ALPK3: variants seen among roughly 807,000 people sequenced by gnomAD.
The protein encoded by ALPK3 is alpha-protein kinase 3.
ALPK3 carries 102 observed loss-of-function variants against 140.0 expected under a neutral mutation model. That is an observed-to-expected ratio of 0.73 (90% confidence interval 0.62 to 0.86). The LOEUF is 0.86. ALPK3 is among the 40% of genes least tolerant of loss of function. The pLI is 0.00. For missense variants in ALPK3, 2,254 were observed against 2,208.2 expected, an observed-to-expected ratio of 1.02 and a Z score of -0.42; for synonymous variants, 938 against 898.5, an observed-to-expected ratio of 1.04 and a Z score of -0.79.
intron 1 of ALPK3, among the ~76,000 whole-genome samples, chr15:84,818,226 G>C (rs1963384859): frequency 6.6e-6 from 1 of 152,200 alleles, no homozygotes; most frequent in Non-Finnish European, 1.5e-5. Context: ...CAAGTGCCCT[G>C]TCCAGTTTGG....
intron 3 of ALPK3, among the ~76,000 whole-genome samples, chr15:84,834,240 T>A (rs1294368563): frequency 6.6e-6 from 1 of 152,202 alleles, no homozygotes; most frequent in Non-Finnish European, 1.5e-5. Flanking sequence ...TGTGTGACCC[T>A]GGGTGTTACT....
chr15:84,852,326 G>A (rs1234421412), intron 5 of ALPK3, among the ~76,000 whole-genome samples: 1 of 152,192 alleles, frequency 6.6e-6, no homozygotes, highest in Non-Finnish European at 1.5e-5. Flanking sequence ...TATACCTGGT[G>A]GCTATGCTGC....
chr15:84,821,253 C>T (rs1963419461), intron 1 of ALPK3, among the ~76,000 whole-genome samples: 1 of 152,152 alleles, frequency 6.6e-6, no homozygotes, highest in Non-Finnish European at 1.5e-5. Context: ...ACCTGACTAA[C>T]AATGTAAGGG....
chr15:84,868,237 C>A lies in ALPK3; in HGVS notation c.4899C>A (p.Pro1633=), dbSNP rs143514559. The stretch of plus-strand genomic sequence containing the variant: ...TCAAGGGCCCGGAGGCGGCCCACCC[C>A]CAAGCCAAAGCCAAAGGCTCTAAGA... ...TPLKGPEAAH[P]QAKAKGSKSP... is the part of the protein sequence containing the mutation. Residue 1633 remains proline (P), a synonymous_variant, in exon 14 of 14, where the codon CCC becomes CCA. Transcript: ENST00000258888. 2.0e-5 allele frequency: 33 copies of A among 1,614,214 alleles called. 2 individuals are homozygous for A. The South Asian group carries it at 3.6e-4, about 18-fold the overall frequency.
intron 2 of ALPK3, 79 bp from the exon 3 acceptor site, chr15:84,827,405 G>A (rs551351510): frequency 1.5e-5 from 24 of 1,583,252 alleles, no homozygotes; most frequent in Middle Eastern, 2.0e-4. Context: ...ATGGTAAGAC[G>A]GAAGCTGCCT....
At position 84,856,884 on chromosome 15, in the gene ALPK3, G is replaced by T. The variant is rs201330184; in HGVS notation, c.2146G>T (p.Ala716Ser). The change falls in exon 6 of 14, where the codon GCG becomes TCG. Residue 716 changes from alanine to serine, a missense_variant. Transcript: ENST00000258888. ...GAAGGGGACGCAGTCAGAGGGGAGC[G>T]CGCCCACAGCCATGGAAGGTCAGTC... The part of the protein sequence containing the change: ...GEKGTQSEGS[A>S]PTAMEGQSEQ... 1 of 1,613,948 alleles carries T rather than the reference G, an allele frequency of 6.2e-7. No individual in the cohort carries two copies. Among genetic ancestry groups the T allele is most frequent in the Admixed American group, 1.7e-5 (1 of 60,002 alleles).
In ALPK3 at chr15:84,859,343, C is replaced by T. The variant is rs1319923027; in HGVS notation, c.3918C>T (p.Val1306=). The change falls in exon 7 of 14, where the codon GTC becomes GTT. Residue 1306 remains valine (V), a synonymous_variant. Coordinates refer to ENST00000258888, the MANE Select transcript of ALPK3 (RefSeq NM_020778.5). Reference sequence around the variant, plus strand: ...TTTTCAACATTCTTAGTGACTCAGTCTTGACATGGGCCAAGGATCAGCGCC... The same window carrying T: ...TTTTCAACATTCTTAGTGACTCAGTTTTGACATGGGCCAAGGATCAGCGCC... ...CQFFNILSDS[V]LTWAKDQRPV... 2.5e-6 allele frequency: 4 copies of T among 1,614,050 alleles called. No homozygotes were observed. Among genetic ancestry groups the T allele is most frequent in the Non-Finnish European group, 3.4e-6 (4 of 1,180,016 alleles).
At chr15:84,817,676 G>A in intron 1 of ALPK3, 81 bp downstream of exon 1, 1 of 1,371,682 alleles carries the variant, frequency 7.3e-7, no homozygotes. Flanking sequence ...CTGGCCCCTG[G>A]AGGCCTGGGC....
rs1167406459 is a variant in ALPK3, at chr15:84,862,750, A to T, written c.4245A>T (p.Gly1415=). 8 of 1,614,144 alleles carry T rather than the reference A, an allele frequency of 5.0e-6. No homozygotes were observed. Among genetic ancestry groups the T allele is most frequent in the Non-Finnish European group, 6.8e-6 (8 of 1,180,020 alleles). ...RLVSEELRGG[G]YGCGLRKASQ... ...TAAGCGAGGAGCTCCGAGGGGGTGG[A>T]TATGGGTGTGGCCTTCGGAAGGCCT... Residue 1415 remains glycine (G), a synonymous_variant, in exon 10 of 14, where the codon GGA becomes GGT. Transcript: ENST00000258888.
At chr15:84,827,383 A>C (rs1963499818) in intron 2 of ALPK3, 101 bp from the exon 3 acceptor site, 1 of 1,528,874 alleles carries the variant, frequency 6.5e-7, no homozygotes, top group Non-Finnish European at 8.9e-7. Flanking sequence ...GGCCACAGGA[A>C]GATGGGCAGG....
chr15:84,858,319 G>C lies in ALPK3; in HGVS notation c.3581G>C (p.Arg1194Pro), dbSNP rs543260061. ...AGGGAGAGCCCCACGGTTTCCCCCC[G>C]GGGGCCCAGGAAAAGCCTGGTGCCT... Reference protein sequence around the residue: ...EERESPTVSPRGPRKSLVPGS... With the variant: ...EERESPTVSPPGPRKSLVPGS... The change falls in exon 6 of 14, where the codon CGG becomes CCG. Residue 1194 changes from arginine to proline, a missense_variant. Physicochemically the swap from Arg to Pro is moderately radical, Grantham distance 103. Coordinates refer to ENST00000258888, the MANE Select transcript of ALPK3 (RefSeq NM_020778.5). 76 of 1,562,976 alleles carry C rather than the reference G, an allele frequency of 4.9e-5. No individual in the cohort carries two copies. Among genetic ancestry groups the C allele is most frequent in the Non-Finnish European group, 1.7e-6 (2 of 1,154,046 alleles).
At chr15:84,861,340 G>C (rs1963943464) in intron 9 of ALPK3, among the ~76,000 whole-genome samples, 2 of 152,094 alleles carry the variant, frequency 1.3e-5, no homozygotes, top group Admixed American at 1.3e-4. Context: ...CAGATTTAGA[G>C]GTTTGGTCAG....
intron 2 of ALPK3, among the ~76,000 whole-genome samples, chr15:84,824,905 A>G (rs1963468208): frequency 6.6e-6 from 1 of 152,108 alleles, no homozygotes; most frequent in African/African-American, 2.4e-5. Flanking sequence ...GGTTTGGAGG[A>G]CGGGGACAGA....
intron 3 of ALPK3, among the ~76,000 whole-genome samples, chr15:84,834,627 C>T (rs1215143450): frequency 3.3e-5 from 5 of 152,204 alleles, no homozygotes; most frequent in East Asian, 1.9e-4. Context: ...TCTTTTGAAT[C>T]GGAGCTTCTG....
Position 84,839,930 on chromosome 15 carries a change from C to G in ALPK3, c.651C>G (p.Ser217Arg), listed in dbSNP as rs3803404. 6.2e-7 allele frequency: 1 copy of G among 1,613,802 alleles called. No individual in the cohort carries two copies. Among genetic ancestry groups the G allele is most frequent in the Admixed American group, 1.7e-5 (1 of 60,018 alleles). The change falls in exon 5 of 14, where the codon AGC (serine) becomes AGG (arginine). Residue 217 changes from serine to arginine, a missense_variant. This residue lies in a region of ALPK3 where 2,088 missense variants were observed against 2,022.9 expected (regional missense o/e 1.03). Coordinates refer to ENST00000258888, the MANE Select transcript of ALPK3 (RefSeq NM_020778.5). Reference protein sequence around the residue: ...PGEVDTLRKLSPDRFQRKRRL... With the variant: ...PGEVDTLRKLRPDRFQRKRRL... ...AGGTCGACACTCTGCGCAAGCTCAG[C>G]CCCGACCGCTTCCAGCGAAAGCGGC...
chr15:84,829,909 C>T (rs1461407985), intron 3 of ALPK3, among the ~76,000 whole-genome samples: 1 of 152,200 alleles, frequency 6.6e-6, no homozygotes, highest in Non-Finnish European at 1.5e-5. Flanking sequence ...GTCCTGAGGA[C>T]ATGGTTACTT....
At position 84,871,969 on chromosome 15, in the gene ALPK3, G is replaced by C. The variant is rs186083264; in HGVS notation, c.*3513G>C. 1 of 152,262 alleles carries C rather than the reference G, an allele frequency of 6.6e-6. No homozygotes were observed. Among genetic ancestry groups the C allele is most frequent in the Non-Finnish European group, 1.5e-5 (1 of 68,068 alleles). 9.4% of individuals were successfully genotyped at this position (152,262 alleles called of 1,614,324 possible). On this transcript the variant is annotated 3_prime_UTR_variant, in exon 14 of 14. Transcript: ENST00000258888. ...AAATCCAGAACAAGGGCCCAAAAGG[G>C]CCAAGACAAATTACTGCCCCTCTCA...
At chr15:84,839,658 C>T in intron 4 of ALPK3, 44 bp from the exon 5 acceptor site, 4 of 1,543,590 alleles carry the variant, frequency 2.6e-6, no homozygotes, top group Non-Finnish European at 3.5e-6. Flanking sequence ...GGGGCTCTCA[C>T]CTCCCAGGAG....
chr15:84,844,869 G>A (rs890996721), intron 5 of ALPK3, among the ~76,000 whole-genome samples: 2 of 152,114 alleles, frequency 1.3e-5, no homozygotes, highest in African/African-American at 4.8e-5. Flanking sequence ...AAAAAAAAAG[G>A]TGGAAAAGAC....
Sources: gnomAD v4.1 joint callset for allele counts (sites outside exome capture counted in the v4.1 genomes callset) on GRCh38, gnomAD v4.1.1 for gene constraint, gnomAD v4.1.1 regional missense constraint, MANE v1.5 for transcripts, NCBI Gene and HGNC (gene_info 2026-07-23, HGNC 2026-07-21) for gene names.